SDK2: variants seen among roughly 807,000 people sequenced by gnomAD.
SDK2 encodes the protein sidekick cell adhesion molecule 2, also known as protein sidekick-2.
In SDK2, 105 loss-of-function variants were observed where a neutral mutation model predicts 253.9. The ratio of observed to expected loss-of-function variants is 0.41; its 90% CI spans 0.35 to 0.49. The LOEUF (loss-of-function observed/expected upper bound fraction) is 0.49. Among genes scored for constraint, SDK2 ranks in the 20% least tolerant of loss-of-function variants. The pLI, the probability that SDK2 is intolerant of heterozygous loss-of-function variation, is 0.06. For synonymous variants in SDK2, 1,249 were observed against 1,234.9 expected (o/e 1.01, Z -0.24); for missense variants, 2,608 against 3,003.0 (o/e 0.87, Z 3.07).
intron 3 of SDK2, among the ~76,000 whole-genome samples, chr17:73,458,565 A>G (rs1193848274): frequency 2.0e-5 from 3 of 152,154 alleles, no homozygotes; most frequent in Non-Finnish European, 2.9e-5. Flanking sequence ...TTTGACCACA[A>G]TCTCCCTGCA....
chr17:73,367,340 C>T (rs375464727), intron 37 of SDK2, among the ~76,000 whole-genome samples: 8 of 151,986 alleles, frequency 5.3e-5, no homozygotes, highest in African/African-American at 1.9e-4. Flanking sequence ...CAATCCCAAT[C>T]CCCCAGCCTG....
intron 1 of SDK2, among the ~76,000 whole-genome samples, chr17:73,562,660 A>T (rs1156479370): frequency 6.6e-6 from 1 of 152,058 alleles, no homozygotes; most frequent in Admixed American, 6.5e-5. Flanking sequence ...GGAGATGAGG[A>T]TGAGACCTGG....
chr17:73,411,968 ACG>A (rs1568388999), intron 18 of SDK2, among the ~76,000 whole-genome samples: 1 of 768 alleles, frequency 1.3e-3, no homozygotes, highest in African/African-American at 3.0e-3. Flanking sequence ...ATATATATAT[ACG>A]TATATATATA....
chr17:73,431,401 GT>G lies in SDK2; in HGVS notation c.1480+100del, dbSNP rs1451610262. 4 of 1,150,496 alleles carry G rather than the reference GT, an allele frequency of 3.5e-6. No homozygotes were observed. The highest frequency in any genetic ancestry group is 4.9e-6 in the Non-Finnish European group (4 of 819,684). The allele number at this position is 1,150,496 out of a possible 1,614,324, so 71.3% of individuals were successfully genotyped here. On this transcript the variant is annotated intron_variant, in intron 11 of 44. Coordinates refer to ENST00000392650, the MANE Select transcript of SDK2 (RefSeq NM_001144952.2). The surrounding 1 kb of genome is among the most constrained non-coding windows in gnomAD (Gnocchi z 5.6). ...GACACTGGGGATGGAGACACTGGTG[GT>G]ATGAGCCTGTGCCCCGTAGCTGTCC...
At chr17:73,521,758 C>G (rs1359771418) in intron 1 of SDK2, among the ~76,000 whole-genome samples, 1 of 143,044 alleles carries the variant, frequency 7.0e-6, no homozygotes, top group Non-Finnish European at 1.6e-5. Flanking sequence ...CTGCTCGAGA[C>G]AGAGTCAACA....
intron 1 of SDK2, among the ~76,000 whole-genome samples, chr17:73,613,150 G>A (rs1185949476): frequency 6.6e-6 from 1 of 152,182 alleles, no homozygotes; most frequent in Non-Finnish European, 1.5e-5. Flanking sequence ...ACTTTCTCCT[G>A]CAGCGCTAAG....
intron 40 of SDK2, among the ~76,000 whole-genome samples, chr17:73,355,682 C>T (rs1000181038): frequency 2.0e-5 from 3 of 152,070 alleles, no homozygotes; most frequent in Non-Finnish European, 4.4e-5. Context: ...CTCTCTTTCC[C>T]CTTTGCTGGC....
intron 6 of SDK2, among the ~76,000 whole-genome samples, chr17:73,438,952 G>T (rs2063393591): frequency 6.6e-6 from 1 of 152,180 alleles, no homozygotes; most frequent in Non-Finnish European, 1.5e-5. Flanking sequence ...TCATCGAGGG[G>T]CTTCTCAGGG....
intron 29 of SDK2, among the ~76,000 whole-genome samples, chr17:73,389,652 G>A (rs899723198): frequency 3.3e-5 from 5 of 152,198 alleles, no homozygotes; most frequent in Non-Finnish European, 7.3e-5. Flanking sequence ...GTGGCAGCCG[G>A]GGCTCCAGGC....
At chr17:73,353,144 CTG>C (rs1315702286) in intron 40 of SDK2, among the ~76,000 whole-genome samples, 2 of 152,078 alleles carry the variant, frequency 1.3e-5, no homozygotes, top group Non-Finnish European at 1.5e-5. Flanking sequence ...ATTAAAATAT[CTG>C]TACTACATTA....
rs1035543464 is a variant in SDK2 at position 73,391,184 on chromosome 17, G to C, written c.3997+256C>G. Among the ~76,000 whole-genome samples the C allele has an allele frequency of 2.6e-5, 4 of 152,212 alleles. No individual in the cohort carries two copies. The South Asian group carries it at 6.2e-4, about 24-fold the overall frequency. ...GGTTTACCAGATGGCCGGCAGGCTGGGGGCCTGGGGACATTTGGGGACGCA... is the reference window on the plus strand; with the variant it reads ...GGTTTACCAGATGGCCGGCAGGCTGCGGGCCTGGGGACATTTGGGGACGCA... On this transcript the variant is annotated intron_variant, in intron 28 of 44. Coordinates refer to ENST00000392650, the MANE Select transcript of SDK2 (RefSeq NM_001144952.2).
At chr17:73,575,148 T>C (rs554141783) in intron 1 of SDK2, among the ~76,000 whole-genome samples, 45 of 152,324 alleles carry the variant, frequency 3.0e-4, no homozygotes, top group African/African-American at 1.0e-3. Flanking sequence ...CTGCTTCCCC[T>C]TGGGGTGATC....
At chr17:73,636,967 G>C (rs907277401) in intron 1 of SDK2, among the ~76,000 whole-genome samples, 1 of 152,128 alleles carries the variant, frequency 6.6e-6, no homozygotes, top group Non-Finnish European at 1.5e-5. Flanking sequence ...AAGAAACAGA[G>C]GTTGAGAATG....
chr17:73,584,038 C>A (rs1424244180), intron 1 of SDK2, among the ~76,000 whole-genome samples: 1 of 152,208 alleles, frequency 6.6e-6, no homozygotes, highest in East Asian at 1.9e-4. Flanking sequence ...CGGCTCTTGG[C>A]AAGACATCAC....
At chr17:73,508,930 C>G (rs1443020804) in intron 1 of SDK2, among the ~76,000 whole-genome samples, 1 of 152,254 alleles carries the variant, frequency 6.6e-6, no homozygotes, top group Non-Finnish European at 1.5e-5. Flanking sequence ...CAACAGCTCA[C>G]CTAGTGAGCA....
At position 73,482,493 on chromosome 17, in the gene SDK2, C is replaced by T. The variant is rs369318255; in HGVS notation, c.225-10275G>A. ...CCTCCCCCGCTTTGCCAGAAAAGCC[C>T]GTGAGGCTCCGATTGATCCCCCGGC... On this transcript the variant is annotated intron_variant, in intron 2 of 44. Coordinates refer to ENST00000392650, the MANE Select transcript of SDK2 (RefSeq NM_001144952.2). Among the ~76,000 whole-genome samples the T allele has an allele frequency of 6.2e-4, 95 of 152,304 alleles. No homozygotes were observed. The South Asian group carries it at 9.7e-3, about 16-fold the overall frequency.
At chr17:73,428,206 TAG>T (rs1292268854) in intron 12 of SDK2, among the ~76,000 whole-genome samples, 7 of 152,156 alleles carry the variant, frequency 4.6e-5, no homozygotes, top group African/African-American at 1.7e-4. Flanking sequence ...CCTGTAATCC[TAG>T]CACTTTGGGA....
At position 73,517,080 on chromosome 17, in the gene SDK2, G is replaced by C. The variant is rs541104098; in HGVS notation, c.65-9483C>G. ...GCAGAACACATCACACAGATGCCAGGAGAGCTGGGCCCAAGACTCCTGTTT... is the reference window on the plus strand; with the variant it reads ...GCAGAACACATCACACAGATGCCAGCAGAGCTGGGCCCAAGACTCCTGTTT... On this transcript the variant is annotated intron_variant, in intron 1 of 44. Coordinates refer to ENST00000392650, the MANE Select transcript of SDK2 (RefSeq NM_001144952.2). The C allele has an allele frequency of 1.1e-3, 162 of 152,284 alleles. 1 individual carries two copies. Among genetic ancestry groups the C allele is most frequent in the African/African-American group, 3.8e-3 (157 of 41,542 alleles). 9.4% of individuals were successfully genotyped at this position (152,284 alleles called of 1,614,324 possible).
At position 73,642,356 on chromosome 17, in the gene SDK2, G is replaced by A. The variant is rs549188201; in HGVS notation, c.64+1669C>T. 1.1e-4 allele frequency among the ~76,000 whole-genome samples: 17 copies of A among 152,330 alleles called. No individual in the cohort carries two copies. The East Asian group carries it at 3.3e-3, about 29-fold the overall frequency. ...GTCTGTAGAGCAATGAAGTTAGAAG[G>A]GTCCAGACAGATGCTGGCATCCCGT... On this transcript the variant is annotated intron_variant, in intron 1 of 44. Coordinates refer to ENST00000392650, the MANE Select transcript of SDK2 (RefSeq NM_001144952.2). This position sits in a 1 kb window ranked among gnomAD's most constrained non-coding sequence, Gnocchi z 4.7.
Sources: gnomAD v4.1 joint callset for allele counts (sites outside exome capture counted in the v4.1 genomes callset) on GRCh38, gnomAD v4.1.1 for gene constraint, Gnocchi (gnomAD v3.1) non-coding constraint, MANE v1.5 for transcripts, NCBI Gene and HGNC (gene_info 2026-07-23, HGNC 2026-07-21) for gene names.